Variants in TRIM44 observed in about 807,000 individuals in gnomAD.
TRIM44 encodes the protein tripartite motif-containing protein 44.
Under a neutral mutation model 37.4 loss-of-function variants are expected in TRIM44, and 13 were observed. The ratio of observed to expected loss-of-function variants is 0.35; its 90% confidence interval spans 0.23 to 0.55. TRIM44 has a LOEUF of 0.55. Ranked by LOEUF, TRIM44 falls within the 20% of genes least tolerant of loss-of-function variation. The probability of loss-of-function intolerance (pLI) is 0.89; values close to 1 mark genes in which losing one functional copy is unlikely to be tolerated. For synonymous variants in TRIM44, 175 were observed against 157.2 expected (o/e 1.11, Z -0.85); for missense variants, 426 against 437.2 (o/e 0.97, Z 0.23).
intron 4 of TRIM44, among the ~76,000 whole-genome samples, chr11:35,796,225 T>TGC (rs920412798): frequency 5.3e-5 from 8 of 151,084 alleles, no homozygotes; most frequent in South Asian, 2.1e-4. Context: ...TGTGTGTGTG[T>TGC]GCGCGCGCGC....
intron 2 of TRIM44, among the ~76,000 whole-genome samples, chr11:35,701,007 G>A (rs145721826): frequency 1.3e-5 from 2 of 152,228 alleles, no homozygotes; most frequent in East Asian, 3.9e-4. Context: ...TTTTTCATTT[G>A]CCAGTTTTGA....
intron 3 of TRIM44, 136 bp downstream of exon 3, chr11:35,726,299 T>G (rs1590545774): frequency 8.6e-7 from 1 of 1,162,144 alleles, no homozygotes; most frequent in Non-Finnish European, 1.2e-6. Context: ...ACATGGTGTA[T>G]AAACCAGTAT....
intron 4 of TRIM44, among the ~76,000 whole-genome samples, chr11:35,742,387 T>C (rs950343825): frequency 2.8e-5 from 4 of 144,156 alleles, no homozygotes; most frequent in Admixed American, 1.5e-4. Context: ...ATATATGGTC[T>C]ATATATATAG....
At chr11:35,669,883 C>T (rs772794732) in intron 1 of TRIM44, among the ~76,000 whole-genome samples, 9 of 151,926 alleles carry the variant, frequency 5.9e-5, no homozygotes, top group African/African-American at 1.9e-4. Flanking sequence ...AGTGCAGTAG[C>T]GTGATCTTGC....
rs1365611848 is a variant in TRIM44, at chr11:35,808,375, C to T, written c.*1990C>T. On this transcript the variant is annotated 3_prime_UTR_variant, in exon 5 of 5. Transcript: ENST00000299413. ...GTACCCTAAAAGAAGGACCAGTGGC[C>T]ACTCTCGAAAAAATTTAAGTATCAG... is the stretch of plus-strand genomic sequence containing the variant. 6.6e-6 allele frequency: 1 copy of T among 151,988 alleles called. No individual in the cohort carries two copies. Among genetic ancestry groups the T allele is most frequent in the African/African-American group, 2.4e-5 (1 of 41,378 alleles). The allele number at this position is 151,988 out of a possible 1,614,324, so 9.4% of individuals were successfully genotyped here.
Position 35,726,062 on chromosome 11 carries a change from C to G in TRIM44, c.886C>G (p.Leu296Val). Residue 296 changes from leucine (L) to valine (V), a missense_variant, in exon 3 of 5, where the codon CTG (leucine) becomes GTG (valine). Coordinates refer to ENST00000299413, the MANE Select transcript of TRIM44 (RefSeq NM_017583.6). ...AMATAHVTEI[L>V]ADIQSHMDRL... ...GGCCACAGCTCATGTGACTGAGATA[C>G]TGGCAGACATCCAATCCCACATGGA... The G allele has an allele frequency of 6.2e-7, 1 of 1,614,134 alleles. No homozygotes were observed. The highest frequency in any genetic ancestry group is 8.5e-7 in the Non-Finnish European group (1 of 1,180,024).
chr11:35,732,271 A>G (rs1222029415), intron 3 of TRIM44, among the ~76,000 whole-genome samples: 1 of 152,222 alleles, frequency 6.6e-6, no homozygotes, highest in Non-Finnish European at 1.5e-5. Flanking sequence ...TGGTGGAGGT[A>G]GAAATGGGAG....
intron 1 of TRIM44, among the ~76,000 whole-genome samples, chr11:35,678,900 A>C (rs1851494888): frequency 6.6e-6 from 1 of 151,946 alleles, no homozygotes; most frequent in Non-Finnish European, 1.5e-5. Context: ...GCGCCTGACC[A>C]AGGAGGACTT....
intron 2 of TRIM44, among the ~76,000 whole-genome samples, chr11:35,715,113 C>T (rs1260862707): frequency 1.3e-5 from 2 of 152,154 alleles, no homozygotes; most frequent in East Asian, 3.8e-4. Flanking sequence ...TCTGTTGCAT[C>T]CAATTCAGTG....
intron 4 of TRIM44, among the ~76,000 whole-genome samples, chr11:35,737,088 G>A (rs777198572): frequency 2.6e-5 from 4 of 152,136 alleles, no homozygotes; most frequent in Non-Finnish European, 5.9e-5. Flanking sequence ...TGGAGGATAA[G>A]GGGAGGCTTA....
chr11:35,776,621 C>G (rs981945838), intron 4 of TRIM44, among the ~76,000 whole-genome samples: 1 of 152,196 alleles, frequency 6.6e-6, no homozygotes, highest in African/African-American at 2.4e-5. Flanking sequence ...CCTCTACACA[C>G]TGCTTTAAAT....
chr11:35,720,898 G>A (rs1852098807), intron 2 of TRIM44, among the ~76,000 whole-genome samples: 1 of 150,966 alleles, frequency 6.6e-6, no homozygotes. Context: ...TTTATGTCAT[G>A]GTATATAATT....
At chr11:35,717,310 G>A (rs1342421345) in intron 2 of TRIM44, among the ~76,000 whole-genome samples, 1 of 152,180 alleles carries the variant, frequency 6.6e-6, no homozygotes, top group Non-Finnish European at 1.5e-5. Context: ...AGAGAGGTCA[G>A]TAGTGAAATT....
intron 4 of TRIM44, among the ~76,000 whole-genome samples, chr11:35,758,986 G>A (rs1374250378): frequency 1.3e-5 from 2 of 152,094 alleles, no homozygotes; most frequent in Non-Finnish European, 2.9e-5. Context: ...TCTTGGAGTT[G>A]CTCTTCTCAA....
chr11:35,668,680 G>A lies in TRIM44; in HGVS notation c.669+4900G>A, dbSNP rs567470542. The stretch of plus-strand genomic sequence containing the variant: ...ATAGCACTGCAGTGAACATACACGT[G>A]CGTGTATCTGTGTAATAAAATAATC... On this transcript the variant is annotated intron_variant, in intron 1 of 4. Transcript: ENST00000299413. Among the ~76,000 whole-genome samples, 4 of 152,316 alleles carry A rather than the reference G, an allele frequency of 2.6e-5. No individual in the cohort carries two copies. In the East Asian group the frequency reaches 7.7e-4, roughly 29 times the overall value.
At chr11:35,723,050 TC>T (rs1852127960) in intron 2 of TRIM44, among the ~76,000 whole-genome samples, 1 of 148,706 alleles carries the variant, frequency 6.7e-6, no homozygotes, top group Admixed American at 6.7e-5. Flanking sequence ...CCTCCCTCCC[TC>T]CCTCTCCCCC....
chr11:35,663,924 C>T (rs961525238), intron 1 of TRIM44, 144 bp downstream of exon 1: 2 of 950,498 alleles, frequency 2.1e-6, no homozygotes, highest in African/African-American at 3.3e-5. Context: ...TTCTTATTCA[C>T]CGTTTTTGGT....
rs115338150 is a variant in TRIM44, at chr11:35,764,927, A to T, written c.1007+29482A>T. 9.6e-3 allele frequency among the ~76,000 whole-genome samples: 1,451 copies of T among 151,324 alleles called. 17 individuals carry two copies. Among genetic ancestry groups the T allele is most frequent in the African/African-American group, 0.03 (1,243 of 41,098 alleles). ...GATGAATGTTGTACTTAATTTTTTT[A>T]AAAAAAAACCTCCTTCTCATACCCA... On this transcript the variant is annotated intron_variant, in intron 4 of 4. Transcript: ENST00000299413.
chr11:35,735,393 T>A, intron 3 of TRIM44, 33 bp from the exon 4 acceptor site: 1 of 1,611,918 alleles, frequency 6.2e-7, no homozygotes, highest in Non-Finnish European at 8.5e-7. Flanking sequence ...CAACAGTGAT[T>A]TCTAATACTG....
Sources: allele counts gnomAD v4.1 joint callset (sites outside exome capture counted in the v4.1 genomes callset), GRCh38; gene constraint gnomAD v4.1.1; transcripts MANE v1.5; gene names NCBI Gene and HGNC (gene_info 2026-07-23, HGNC 2026-07-21).